The following GCH1 variants were observed in gnomAD, a reference collection of about 807,000 sequenced individuals.
GCH1 encodes the protein GTP cyclohydrolase 1.
GCH1 carries 5 observed loss-of-function variants against 25.9 expected under a neutral mutation model. That is an observed-to-expected ratio of 0.19 (90% CI 0.10 to 0.41). The LOEUF is 0.41. Ranked by LOEUF, GCH1 falls within the 10% of genes least tolerant of loss-of-function variation. The pLI is 1.00. For synonymous variants in GCH1, 159 were observed against 129.6 expected, an observed-to-expected ratio of 1.23 and a Z score of -1.54; for missense variants, 261 against 336.5, an observed-to-expected ratio of 0.78 and a Z score of 1.75.
chr14:54,898,773 C>T (rs1463545801), intron 1 of GCH1, among the ~76,000 whole-genome samples: 1 of 152,152 alleles, frequency 6.6e-6, no homozygotes, highest in East Asian at 1.9e-4. Flanking sequence ...GTATGCGCCA[C>T]CACATCTGGC....
At chr14:54,850,587 C>T (rs112181861) in intron 3 of GCH1, among the ~76,000 whole-genome samples, 11,342 of 152,128 alleles carry the variant, frequency 0.075, 648 homozygotes, top group Non-Finnish European at 0.11. Flanking sequence ...GTGCTGCACT[C>T]GTTAACTCAT....
chr14:54,881,184 T>C (rs1397617608), intron 1 of GCH1, among the ~76,000 whole-genome samples: 1 of 151,812 alleles, frequency 6.6e-6, no homozygotes, highest in Non-Finnish European at 1.5e-5. Context: ...GTTTTTTCTA[T>C]AAAAATAAAA....
At chr14:54,890,315 C>T (rs1454485080) in intron 1 of GCH1, among the ~76,000 whole-genome samples, 6 of 152,156 alleles carry the variant, frequency 3.9e-5, no homozygotes, top group Non-Finnish European at 7.3e-5. Flanking sequence ...CTGACCCACA[C>T]GGAGAAACCC....
intron 3 of GCH1, among the ~76,000 whole-genome samples, chr14:54,847,684 C>A (rs41298434): frequency 0.091 from 13,107 of 144,700 alleles, 884 homozygotes; most frequent in Non-Finnish European, 0.13. Context: ...ATATATATAT[C>A]TCCTATTAGT....
At position 54,843,053 on chromosome 14, in the gene GCH1, AC is replaced by A; in HGVS notation, c.*963del. On this transcript the variant is annotated 3_prime_UTR_variant, in exon 6 of 6. Transcript: ENST00000491895. ...GTGCGTGGAAGCTATGGTTCTGCAGACCTGAAAATGATGGGCACTCTCAAAT... is the reference window on the plus strand; with the variant it reads ...GTGCGTGGAAGCTATGGTTCTGCAGACTGAAAATGATGGGCACTCTCAAAT... The A allele has an allele frequency of 9.5e-7, 1 of 1,048,272 alleles. No individual in the cohort carries two copies. Among genetic ancestry groups the A allele is most frequent in the Non-Finnish European group, 1.5e-6 (1 of 664,460 alleles). 64.9% of individuals were successfully genotyped at this position (1,048,272 alleles called of 1,614,324 possible).
At chr14:54,872,625 T>G (rs2040097960) in intron 1 of GCH1, among the ~76,000 whole-genome samples, 1 of 152,090 alleles carries the variant, frequency 6.6e-6, no homozygotes, top group Non-Finnish European at 1.5e-5. Context: ...GAGACACACA[T>G]AGGCTCAAAA....
At chr14:54,893,067 A>AAT (rs1298082694) in intron 1 of GCH1, among the ~76,000 whole-genome samples, 1 of 152,244 alleles carries the variant, frequency 6.6e-6, no homozygotes, top group African/African-American at 2.4e-5. Flanking sequence ...TGACAGAGCA[A>AAT]GACTCTGCCT....
At chr14:54,897,575 C>T (rs1252426383) in intron 1 of GCH1, among the ~76,000 whole-genome samples, 1 of 152,122 alleles carries the variant, frequency 6.6e-6, no homozygotes, top group Admixed American at 6.6e-5. Flanking sequence ...AGGCGTGAGC[C>T]ACCGCGCCCG....
At chr14:54,895,941 A>T (rs758068390) in intron 1 of GCH1, among the ~76,000 whole-genome samples, 1 of 152,182 alleles carries the variant, frequency 6.6e-6, no homozygotes, top group Non-Finnish European at 1.5e-5. Flanking sequence ...TACACACTGG[A>T]AAGTAGGGAA....
intron 1 of GCH1, among the ~76,000 whole-genome samples, chr14:54,882,669 GA>G (rs113368191): frequency 9.5e-5 from 14 of 147,350 alleles, no homozygotes; most frequent in Non-Finnish European, 1.8e-4. Flanking sequence ...CAGTTCTACA[GA>G]AAAAAAAAAC....
chr14:54,864,857 C>G (rs2039968320), intron 2 of GCH1, among the ~76,000 whole-genome samples: 1 of 152,094 alleles, frequency 6.6e-6, no homozygotes, highest in South Asian at 2.1e-4. Context: ...GGAATGGAAA[C>G]AAATCCACAA....
In GCH1 at chr14:54,842,293, A is replaced by G. The variant is rs2039569383; in HGVS notation, c.*1724T>C. 1 of 152,658 alleles carries G rather than the reference A, an allele frequency of 6.6e-6. No individual in the cohort carries two copies. Among genetic ancestry groups the G allele is most frequent in the African/African-American group, 2.4e-5 (1 of 41,458 alleles). The allele number at this position is 152,658 out of a possible 1,614,324, so 9.5% of individuals were successfully genotyped here. A position where few individuals can be genotyped will look rare whatever the true frequency, so the allele number is the denominator to read the frequency against. On this transcript the variant is annotated 3_prime_UTR_variant, in exon 6 of 6. Coordinates refer to ENST00000491895, the MANE Select transcript of GCH1 (RefSeq NM_000161.3). ...AAGAACACTTCTAGGAAATGTTAGA[A>G]CAACGAGTCATTAAAAAGGAATATA... is the stretch of plus-strand genomic sequence containing the variant.
At chr14:54,879,202 A>C (rs1018469787) in intron 1 of GCH1, among the ~76,000 whole-genome samples, 2 of 152,038 alleles carry the variant, frequency 1.3e-5, no homozygotes, top group African/African-American at 4.8e-5. Context: ...AGGTGGATCA[A>C]TTGAGGTCAG....
intron 1 of GCH1, among the ~76,000 whole-genome samples, chr14:54,871,358 C>G (rs1225668498): frequency 2.6e-5 from 4 of 152,166 alleles, no homozygotes; most frequent in Non-Finnish European, 4.4e-5. Flanking sequence ...ACATCACCAT[C>G]ATCAAAGACC....
At chr14:54,886,389 G>A (rs556458665) in intron 1 of GCH1, among the ~76,000 whole-genome samples, 1 of 151,538 alleles carries the variant, frequency 6.6e-6, no homozygotes, top group African/African-American at 2.4e-5. Flanking sequence ...GAGGCCGGTG[G>A]ATCACGAGGT....
chr14:54,865,305 G>C, intron 2 of GCH1, 22 bp downstream of exon 2: 1 of 1,138,604 alleles, frequency 8.8e-7, no homozygotes, highest in Admixed American at 1.7e-5. Context: ...AAATTGCTGG[G>C]AAACAACAAA....
rs1394301169 is a variant in GCH1 at position 54,843,694 on chromosome 14, T to A, written c.*323A>T. The A allele has an allele frequency of 6.2e-7, 1 of 1,606,784 alleles. No individual in the cohort carries two copies. Among genetic ancestry groups the A allele is most frequent in the East Asian group, 2.2e-5 (1 of 44,752 alleles). The stretch of plus-strand genomic sequence containing the variant: ...ATGCTCCTATGCTTATGAGGCAAAT[T>A]ACTGTACTATTTGAAAAAAATACAC... On this transcript the variant is annotated 3_prime_UTR_variant, in exon 6 of 6. Coordinates refer to ENST00000491895, the MANE Select transcript of GCH1 (RefSeq NM_000161.3).
intron 1 of GCH1, among the ~76,000 whole-genome samples, chr14:54,894,784 CT>C (rs887748828): frequency 1.3e-5 from 2 of 152,090 alleles, no homozygotes; most frequent in African/African-American, 4.8e-5. Context: ...TCACAGTGCT[CT>C]TTCTGGCAAT....
intron 4 of GCH1, 100 bp from the exon 5 acceptor site, chr14:54,845,952 G>A (rs1444652165): frequency 1.3e-6 from 1 of 787,896 alleles, no homozygotes. Context: ...TCAGACTTCT[G>A]TGAGATTTAA....
Sources: gnomAD v4.1 joint callset for allele counts (sites outside exome capture counted in the v4.1 genomes callset) on GRCh38, gnomAD v4.1.1 for gene constraint, MANE v1.5 for transcripts, NCBI Gene and HGNC (gene_info 2026-07-23, HGNC 2026-07-21) for gene names.